The following EMCN variants were observed in gnomAD, a reference collection of about 807,000 sequenced individuals.
EMCN encodes MUC-14.
EMCN carries 37 observed loss-of-function variants against 38.4 expected under a neutral mutation model. The observed-to-expected ratio is 0.96, with a 90% CI of 0.74 to 1.27. The LOEUF is 1.27. EMCN is among the 50% of genes most tolerant of loss of function. The pLI, the probability that EMCN is intolerant of heterozygous loss-of-function variation, is 0.00. For synonymous variants in EMCN, 95 were observed against 100.8 expected (o/e 0.94, Z 0.35); for missense variants, 318 against 302.8 (o/e 1.05, Z -0.37).
At chr4:100,498,441 T>C (rs1226334775) in intron 1 of EMCN, among the ~76,000 whole-genome samples, 7 of 152,084 alleles carry the variant, frequency 4.6e-5, no homozygotes, top group Admixed American at 1.3e-4. Flanking sequence ...ATTAGTAAAA[T>C]ATCTCTGTCA....
chr4:100,479,452 G>T (rs1285965208), intron 2 of EMCN, among the ~76,000 whole-genome samples: 4 of 151,918 alleles, frequency 2.6e-5, no homozygotes, highest in African/African-American at 9.7e-5. Context: ...AGATATAGTT[G>T]TCACTCAGTC....
intron 1 of EMCN, among the ~76,000 whole-genome samples, chr4:100,502,043 C>T (rs1407246477): frequency 3.9e-5 from 6 of 152,214 alleles, no homozygotes; most frequent in East Asian, 3.9e-4. Context: ...AGCTCCCCCA[C>T]GTAAAGGAAG....
chr4:100,404,059 AAGCTCTTTAGTTTAGCT>A (rs1433953685), intron 11 of EMCN, among the ~76,000 whole-genome samples: 1 of 152,098 alleles, frequency 6.6e-6, no homozygotes, highest in Non-Finnish European at 1.5e-5. Context: ...GGCTGTGCAG[AAGCTCTTTAGTTTAGCT>A]AGGTCTTGTT....
At chr4:100,493,554 A>T (rs559629291) in intron 1 of EMCN, among the ~76,000 whole-genome samples, 34 of 152,330 alleles carry the variant, frequency 2.2e-4, no homozygotes, top group African/African-American at 7.9e-4. Flanking sequence ...CTATATATGG[A>T]TAAAATGATT....
chr4:100,408,358 C>A (rs532487596), intron 11 of EMCN, among the ~76,000 whole-genome samples: 240 of 152,250 alleles, frequency 1.6e-3, no homozygotes, highest in African/African-American at 5.6e-3. Flanking sequence ...ACTGATGTTT[C>A]TTTAATTGCA....
chr4:100,497,875 G>A (rs1196256876), intron 1 of EMCN, among the ~76,000 whole-genome samples: 4 of 152,092 alleles, frequency 2.6e-5, no homozygotes, highest in African/African-American at 9.7e-5. Context: ...AGGAGTAAAT[G>A]CATCAGGAAA....
chr4:100,422,919 G>A, intron 7 of EMCN, 102 bp downstream of exon 7: 2 of 1,165,050 alleles, frequency 1.7e-6, no homozygotes, highest in Non-Finnish European at 2.5e-6. Flanking sequence ...GCTCAGTAAA[G>A]TTGAGAAAAG....
chr4:100,441,456 A>G (rs1727515070), intron 5 of EMCN, among the ~76,000 whole-genome samples: 2 of 152,204 alleles, frequency 1.3e-5, no homozygotes, highest in African/African-American at 4.8e-5. Context: ...TTATTCATTC[A>G]ACCATTCTAT....
chr4:100,497,459 C>T (rs1219392818), intron 1 of EMCN, among the ~76,000 whole-genome samples: 1 of 152,000 alleles, frequency 6.6e-6, no homozygotes, highest in Non-Finnish European at 1.5e-5. Context: ...TCACTGCAAG[C>T]TCCGCCTCCC....
intron 4 of EMCN, among the ~76,000 whole-genome samples, chr4:100,461,275 T>G (rs1272196353): frequency 6.6e-6 from 1 of 152,216 alleles, no homozygotes; most frequent in African/African-American, 2.4e-5. Context: ...GAGGGATTCT[T>G]TGAACACCTT....
At chr4:100,411,314 C>T (rs528232056) in intron 10 of EMCN, among the ~76,000 whole-genome samples, 84 of 152,200 alleles carry the variant, frequency 5.5e-4, no homozygotes, top group African/African-American at 1.9e-3. Flanking sequence ...AACTATTGTT[C>T]GTTTTGCAGA....
At position 100,395,618 on chromosome 4, in the gene EMCN, A is replaced by G. The variant is rs979146583; in HGVS notation, c.*2795T>C. On this transcript the variant is annotated 3_prime_UTR_variant, in exon 12 of 12. Coordinates refer to ENST00000296420, the MANE Select transcript of EMCN (RefSeq NM_016242.4). ...CAACATCATAAAATCTTGAATGACC[A>G]CAAGTAGAGCTCAACAGAGAATAAT... 6 of 152,214 alleles carry G rather than the reference A, an allele frequency of 3.9e-5. No individual in the cohort carries two copies. The highest frequency in any genetic ancestry group is 1.5e-5 in the Non-Finnish European group (1 of 68,028). The allele number at this position is 152,214 out of a possible 1,614,324, so 9.4% of individuals were successfully genotyped here.
chr4:100,446,363 A>G (rs1470881038), intron 5 of EMCN: 1 of 179,994 alleles, frequency 5.6e-6, no homozygotes, highest in Non-Finnish European at 1.1e-5. Context: ...GAGATATATG[A>G]TATAGAAGAA....
At chr4:100,422,043 T>C (rs1021269559) in intron 7 of EMCN, among the ~76,000 whole-genome samples, 4 of 151,958 alleles carry the variant, frequency 2.6e-5, no homozygotes, top group African/African-American at 9.7e-5. Context: ...CCTTCTTTTC[T>C]GATGGTTATT....
intron 3 of EMCN, among the ~76,000 whole-genome samples, chr4:100,471,023 C>T (rs879609825): frequency 6.6e-6 from 1 of 151,820 alleles, no homozygotes; most frequent in African/African-American, 2.4e-5. Flanking sequence ...AAAATCCTCA[C>T]TGGCCAATTT....
intron 1 of EMCN, among the ~76,000 whole-genome samples, chr4:100,508,703 T>C (rs780787365): frequency 1.3e-5 from 2 of 152,202 alleles, no homozygotes; most frequent in Non-Finnish European, 2.9e-5. Flanking sequence ...TAATCTGATC[T>C]AAATGGTTCA....
At chr4:100,401,760 C>G (rs949485061) in intron 11 of EMCN, among the ~76,000 whole-genome samples, 1 of 152,042 alleles carries the variant, frequency 6.6e-6, no homozygotes, top group African/African-American at 2.4e-5. Context: ...GGACTTTGAT[C>G]CAAGCTACCG....
chr4:100,500,366 A>T (rs1174937896), intron 1 of EMCN, among the ~76,000 whole-genome samples: 5 of 152,162 alleles, frequency 3.3e-5, no homozygotes, highest in Non-Finnish European at 5.9e-5. Context: ...ATAAAAGCTA[A>T]CAGACCAAAA....
intron 7 of EMCN, among the ~76,000 whole-genome samples, chr4:100,421,702 T>C (rs1726893808): frequency 6.6e-6 from 1 of 152,054 alleles, no homozygotes; most frequent in Admixed American, 6.6e-5. Flanking sequence ...AATTAAATCC[T>C]CATTCACTCA....
Sources: gnomAD v4.1 joint callset for allele counts (sites outside exome capture counted in the v4.1 genomes callset) on GRCh38, gnomAD v4.1.1 for gene constraint, MANE v1.5 for transcripts, NCBI Gene and HGNC (gene_info 2026-07-23, HGNC 2026-07-21) for gene names.